CTNNA2: variants seen among roughly 807,000 people sequenced by gnomAD.
The protein encoded by CTNNA2 is catenin alpha 2.
CTNNA2 carries 42 observed loss-of-function variants against 101.0 expected under a neutral mutation model. The ratio of observed to expected loss-of-function variants is 0.42; its 90% confidence interval spans 0.32 to 0.54. The LOEUF (loss-of-function observed/expected upper bound fraction) is 0.54, where lower values mean the gene tolerates loss of function less well. CTNNA2 is among the 20% of genes least tolerant of loss of function. CTNNA2 has a pLI of 0.14. For missense variants in CTNNA2, 871 were observed against 1,223.1 expected (o/e 0.71, Z 4.29); for synonymous variants, 450 against 456.4 (o/e 0.99, Z 0.18).
intron 7 of CTNNA2, among the ~76,000 whole-genome samples, chr2:80,262,100 G>A (rs1013293647): frequency 6.6e-6 from 1 of 151,946 alleles, no homozygotes; most frequent in African/African-American, 2.4e-5. Context: ...AATATATAAA[G>A]GACATTAAGT....
intron 4 of CTNNA2, among the ~76,000 whole-genome samples, chr2:79,467,625 G>C (rs891766360): frequency 6.6e-6 from 1 of 152,188 alleles, no homozygotes; most frequent in Non-Finnish European, 1.5e-5. Flanking sequence ...GGCAGCCAGA[G>C]AGAAAGGTTG....
At chr2:79,339,305 G>T (rs1677076704) in intron 3 of CTNNA2, among the ~76,000 whole-genome samples, 1 of 152,156 alleles carries the variant, frequency 6.6e-6, no homozygotes, top group African/African-American at 2.4e-5. Flanking sequence ...AGTGTTGAGT[G>T]CTGCCAAGAG....
chr2:80,514,726 G>A (rs1421292974), intron 9 of CTNNA2, among the ~76,000 whole-genome samples: 1 of 152,120 alleles, frequency 6.6e-6, no homozygotes, highest in Non-Finnish European at 1.5e-5. Context: ...TCCCTCTGAA[G>A]TCAAGTCACC....
chr2:79,399,414 G>A (rs1041401802), intron 4 of CTNNA2, among the ~76,000 whole-genome samples: 2 of 152,080 alleles, frequency 1.3e-5, no homozygotes, highest in African/African-American at 4.8e-5. Flanking sequence ...GAAGTCTAAG[G>A]CAGGGTTTTA....
chr2:79,467,269 G>A (rs556505326), intron 4 of CTNNA2, among the ~76,000 whole-genome samples: 16 of 152,124 alleles, frequency 1.1e-4, no homozygotes, highest in Admixed American at 3.9e-4. Context: ...CTGGAAGAAA[G>A]GGTATCAGTG....
At chr2:79,470,931 T>A (rs1159640874) in intron 4 of CTNNA2, among the ~76,000 whole-genome samples, 1 of 152,210 alleles carries the variant, frequency 6.6e-6, no homozygotes, top group Admixed American at 6.5e-5. Context: ...TGTCTCTTCA[T>A]GAAATACAAC....
At chr2:79,635,345 T>C (rs913510147) in intron 1 of CTNNA2, among the ~76,000 whole-genome samples, 3 of 150,956 alleles carry the variant, frequency 2.0e-5, no homozygotes, top group Admixed American at 6.6e-5. Flanking sequence ...GGCAGGAGAA[T>C]GGCGTGAACC....
chr2:79,420,467 A>G (rs1313366945), intron 4 of CTNNA2, among the ~76,000 whole-genome samples: 4 of 152,186 alleles, frequency 2.6e-5, no homozygotes, highest in Admixed American at 6.5e-5. Context: ...AAGGCAGGCT[A>G]AACTGCCTGA....
intron 7 of CTNNA2, among the ~76,000 whole-genome samples, chr2:79,949,119 C>G (rs1688705489): frequency 6.6e-6 from 1 of 152,004 alleles, no homozygotes; most frequent in African/African-American, 2.4e-5. Flanking sequence ...TATAAACTTT[C>G]AAATGCTGAT....
chr2:79,495,237 T>C (rs1452204421), intron 4 of CTNNA2, among the ~76,000 whole-genome samples: 1 of 152,228 alleles, frequency 6.6e-6, no homozygotes, highest in African/African-American at 2.4e-5. Context: ...TACAGAATTA[T>C]ATACAGAATA....
At chr2:80,550,217 A>C (rs1434095773) in intron 11 of CTNNA2, among the ~76,000 whole-genome samples, 1 of 152,220 alleles carries the variant, frequency 6.6e-6, no homozygotes, top group Non-Finnish European at 1.5e-5. Flanking sequence ...CAGTAGGATT[A>C]TGTTTAAAAA....
chr2:79,254,107 T>G (rs1674808908), intron 2 of CTNNA2, among the ~76,000 whole-genome samples: 1 of 152,160 alleles, frequency 6.6e-6, no homozygotes, highest in Admixed American at 6.5e-5. Flanking sequence ...ATGCTCAAGA[T>G]TTATTTGGGG....
chr2:79,764,742 T>G (rs1177886391), intron 3 of CTNNA2, among the ~76,000 whole-genome samples: 1 of 151,546 alleles, frequency 6.6e-6, no homozygotes, highest in Non-Finnish European at 1.5e-5. Flanking sequence ...GACTGAAAAA[T>G]AGGATCTTAA....
intron 1 of CTNNA2, among the ~76,000 whole-genome samples, chr2:79,578,775 G>A (rs562583147): frequency 9.2e-5 from 14 of 152,192 alleles, no homozygotes; most frequent in Middle Eastern, 3.4e-3. Flanking sequence ...ACTAAAGTTT[G>A]CTATAGCTTT....
chr2:79,605,488 G>A (rs1037680627), intron 1 of CTNNA2, among the ~76,000 whole-genome samples: 1 of 151,090 alleles, frequency 6.6e-6, no homozygotes, highest in African/African-American at 2.4e-5. Context: ...TTCCACCGAA[G>A]AATATATTAT....
intron 1 of CTNNA2, among the ~76,000 whole-genome samples, chr2:79,545,155 T>G (rs1317344676): frequency 6.6e-6 from 1 of 152,162 alleles, no homozygotes; most frequent in Non-Finnish European, 1.5e-5. Context: ...ACTCCTGAAT[T>G]GGACATAGTG....
At chr2:80,062,655 G>A (rs191289983) in intron 7 of CTNNA2, among the ~76,000 whole-genome samples, 2 of 151,250 alleles carry the variant, frequency 1.3e-5, no homozygotes, top group African/African-American at 4.9e-5. Context: ...TTGTAGACTG[G>A]CCCTTGCTTT....
chr2:80,186,471 A>C (rs1361970275), intron 7 of CTNNA2, among the ~76,000 whole-genome samples: 3 of 152,140 alleles, frequency 2.0e-5, no homozygotes, highest in African/African-American at 7.2e-5. Flanking sequence ...CACTTTTCTA[A>C]ATAGGCTCTG....
chr2:79,437,534 C>G (rs1238698059), intron 4 of CTNNA2, among the ~76,000 whole-genome samples: 1 of 152,142 alleles, frequency 6.6e-6, no homozygotes, highest in South Asian at 2.1e-4. Context: ...CAGGTTTCAC[C>G]CTACAACTAT....
Sources: gnomAD v4.1 joint callset for allele counts (sites outside exome capture counted in the v4.1 genomes callset) on GRCh38, gnomAD v4.1.1 for gene constraint, MANE v1.5 for transcripts, NCBI Gene and HGNC (gene_info 2026-07-23, HGNC 2026-07-21) for gene names.